The following ARHGEF4 variants were observed in gnomAD, a reference collection of about 807,000 sequenced individuals.
ARHGEF4 encodes APC-stimulated guanine nucleotide exchange factor 1.
In ARHGEF4, 119 loss-of-function variants were observed where a neutral mutation model predicts 162.0. That is an observed-to-expected ratio of 0.73 (90% CI 0.63 to 0.86). The LOEUF is 0.86. Among genes scored for constraint, ARHGEF4 ranks in the 40% least tolerant of loss-of-function variants. ARHGEF4 has a pLI of 0.00. For missense variants in ARHGEF4, 2,488 were observed against 2,456.0 expected (o/e 1.01, Z -0.28); for synonymous variants, 1,014 against 979.9 (o/e 1.03, Z -0.65).
At chr2:130,921,239 C>T (rs768187668) in intron 2 of ARHGEF4, among the ~76,000 whole-genome samples, 1 of 152,188 alleles carries the variant, frequency 6.6e-6, no homozygotes, top group East Asian at 1.9e-4. Flanking sequence ...CGGTGGCTCA[C>T]GCCTGTAATC....
At chr2:130,894,033 G>A (rs970246246) in intron 1 of ARHGEF4, among the ~76,000 whole-genome samples, 2 of 152,248 alleles carry the variant, frequency 1.3e-5, no homozygotes, top group Admixed American at 1.3e-4. Flanking sequence ...CGCCCTGATG[G>A]GGTCGAGGCA....
intron 4 of ARHGEF4, among the ~76,000 whole-genome samples, chr2:130,992,238 A>G (rs1300441215): frequency 6.6e-6 from 1 of 152,196 alleles, no homozygotes; most frequent in East Asian, 1.9e-4. Context: ...GGGTGGGGCC[A>G]GATAAGAGAA....
rs1476538388 is a variant in ARHGEF4 at position 131,042,127 on chromosome 2, AC to A, written c.5025+185del. Among the ~76,000 whole-genome samples the A allele has an allele frequency of 1.1e-4, 17 of 152,312 alleles. No individual in the cohort carries two copies. In the East Asian group the frequency reaches 2.9e-3, roughly 26 times the overall value. ...GGGCTCTGGACCTTTGCTGCTGCCT[AC>A]CGTAGCAGGCTTTGGCACCTGGTGG... is the stretch of plus-strand genomic sequence containing the variant. On this transcript the variant is annotated intron_variant, in intron 10 of 13. Coordinates refer to ENST00000409359, the MANE Select transcript of ARHGEF4 (RefSeq NM_001367493.1).
At chr2:130,885,287 A>G (rs1169912297) in intron 1 of ARHGEF4, among the ~76,000 whole-genome samples, 2 of 152,140 alleles carry the variant, frequency 1.3e-5, no homozygotes, top group African/African-American at 4.8e-5. Context: ...ACAGGATTGC[A>G]TAACCTATGG....
chr2:131,006,540 G>A (rs539225899), intron 4 of ARHGEF4, among the ~76,000 whole-genome samples: 3 of 152,208 alleles, frequency 2.0e-5, no homozygotes, highest in African/African-American at 7.2e-5. Context: ...TCCAGGAGCC[G>A]TTTGTCTACT....
intron 4 of ARHGEF4, among the ~76,000 whole-genome samples, chr2:131,021,109 GC>G: frequency 6.6e-6 from 1 of 152,174 alleles, no homozygotes; most frequent in African/African-American, 2.4e-5. Flanking sequence ...TAAGTAGGTT[GC>G]AAAAATGTTC....
intron 4 of ARHGEF4, among the ~76,000 whole-genome samples, chr2:130,992,273 A>G (rs113411071): frequency 0.021 from 3,231 of 152,208 alleles, 111 homozygotes; most frequent in African/African-American, 0.073. Context: ...CTGCGCTAGC[A>G]CTGGCAACCT....
rs144292646 is a variant in ARHGEF4 at position 130,852,120 on chromosome 2, A to C, written c.39+15128A>C. Among the ~76,000 whole-genome samples, 698 of 152,360 alleles carry C rather than the reference A, an allele frequency of 4.6e-3. 8 individuals carry two copies. The highest frequency in any genetic ancestry group is 0.016 in the African/African-American group (658 of 41,590). ...CTTTTATTCTTTCAAGAGTTGGCTGAGCGCCTGCTCCACGGCACACCCTGC... is the reference window on the plus strand; with the variant it reads ...CTTTTATTCTTTCAAGAGTTGGCTGCGCGCCTGCTCCACGGCACACCCTGC... On this transcript the variant is annotated intron_variant, in intron 1 of 13. Coordinates refer to ENST00000409359, the MANE Select transcript of ARHGEF4 (RefSeq NM_001367493.1).
intron 10 of ARHGEF4, 136 bp downstream of exon 10, chr2:131,042,080 T>C (rs1690859675): frequency 7.8e-7 from 1 of 1,289,424 alleles, no homozygotes; most frequent in Non-Finnish European, 1.0e-6. Context: ...ATGCTCATGG[T>C]GTGAAAGCCT....
intron 4 of ARHGEF4, among the ~76,000 whole-genome samples, chr2:130,985,854 G>T (rs1371996562): frequency 6.6e-6 from 1 of 151,682 alleles, no homozygotes; most frequent in African/African-American, 2.4e-5. Context: ...GGTGTGTTTT[G>T]TATATGTTGT....
chr2:131,044,292 C>G lies in ARHGEF4; in HGVS notation c.5158-7C>G, dbSNP rs1691059159. Reference sequence around the variant, plus strand: ...CAGCAGCCAGGGCTGAGGCCAGCATCTGGCAGGACCTGCTCCGCCGCGACG... The same window carrying G: ...CAGCAGCCAGGGCTGAGGCCAGCATGTGGCAGGACCTGCTCCGCCGCGACG... On this transcript the variant is annotated splice_polypyrimidine_tract_variant and splice_region_variant and intron_variant, in intron 11 of 13. Transcript: ENST00000409359. 3 of 1,610,402 alleles carry G rather than the reference C, an allele frequency of 1.9e-6. No individual in the cohort carries two copies. The highest frequency in any genetic ancestry group is 2.5e-6 in the Non-Finnish European group (3 of 1,179,048).
chr2:130,838,267 C>A (rs931566875), intron 1 of ARHGEF4, among the ~76,000 whole-genome samples: 3 of 152,168 alleles, frequency 2.0e-5, no homozygotes, highest in Non-Finnish European at 1.5e-5. Context: ...TGTTTCCATG[C>A]CCTCCACACC....
rs761451774 is a variant in ARHGEF4, at chr2:130,916,237, G to C, written c.2291G>C (p.Gly764Ala). 4 of 1,532,086 alleles carry C rather than the reference G, an allele frequency of 2.6e-6. No individual in the cohort carries two copies. In the South Asian group the frequency reaches 4.9e-5, roughly 19 times the overall value. 94.9% of individuals were successfully genotyped at this position (1,532,086 alleles called of 1,614,324 possible). The change falls in exon 2 of 14, where the codon GGC becomes GCC. Residue 764 changes from glycine to alanine, a missense_variant. By Grantham distance (60) the Gly-to-Ala change is moderately conservative. Transcript: ENST00000409359. ...GAAGGCGGTGCTGCAGCAGCCCGGG[G>C]CCAGCGCCCCCGCGTCCCCGCCTTG... ...APEGGAAAAR[G>A]QRPRVPALEP... is the part of the protein sequence containing the mutation.
intron 2 of ARHGEF4, among the ~76,000 whole-genome samples, chr2:130,926,789 C>T (rs191264645): frequency 1.6e-3 from 199 of 125,012 alleles, no homozygotes; most frequent in Non-Finnish European, 2.8e-3. Context: ...GGAAAATAAA[C>T]CTGAGAGGGA....
chr2:130,926,048 C>CTTTCTTTCTCTTTCTTTCTTTCTTTCTT lies in ARHGEF4; in HGVS notation c.3553-4903_3553-4902insTTCTTTCTCTTTCTTTCTTTCTTTCTTT. Among the ~76,000 whole-genome samples the CTTTCTTTCTCTTTCTTTCTTTCTTTCTT allele has an allele frequency of 7.6e-3, 403 of 53,302 alleles. 4 individuals carry two copies. Among genetic ancestry groups the CTTTCTTTCTCTTTCTTTCTTTCTTTCTT allele is most frequent in the African/African-American group, 0.016 (264 of 16,198 alleles). 35.0% of individuals were successfully genotyped at this position (53,302 alleles called of 152,430 possible). On this transcript the variant is annotated intron_variant, in intron 2 of 13. Coordinates refer to ENST00000409359, the MANE Select transcript of ARHGEF4 (RefSeq NM_001367493.1). Reference sequence around the variant, plus strand: ...TCTTTCTTTCTTTCTTTCTTTCTTTCTCTTTCTTTCTTTCTTTCTTTCTTT... The same window carrying CTTTCTTTCTCTTTCTTTCTTTCTTTCTT: ...TCTTTCTTTCTTTCTTTCTTTCTTTCTTTCTTTCTCTTTCTTTCTTTCTTTCTTTCTTTCTTTCTTTCTTTCTTTCTTT...
At chr2:130,897,295 A>G (rs1680217702) in intron 1 of ARHGEF4, among the ~76,000 whole-genome samples, 1 of 152,178 alleles carries the variant, frequency 6.6e-6, no homozygotes, top group African/African-American at 2.4e-5. Flanking sequence ...CAGCTCTGGA[A>G]ATGTTAGCGC....
intron 4 of ARHGEF4, among the ~76,000 whole-genome samples, chr2:131,013,749 T>C (rs1462121146): frequency 6.6e-6 from 1 of 152,140 alleles, no homozygotes; most frequent in Non-Finnish European, 1.5e-5. Context: ...TACAGGCGCA[T>C]GCCGCCACAC....
chr2:130,865,123 A>G (rs1177872267), intron 1 of ARHGEF4, among the ~76,000 whole-genome samples: 1 of 152,238 alleles, frequency 6.6e-6, no homozygotes, highest in Non-Finnish European at 1.5e-5. Context: ...CCACAGTTCA[A>G]AATTTTAAAG....
chr2:130,839,232 G>A (rs1574073012), intron 1 of ARHGEF4, among the ~76,000 whole-genome samples: 1 of 152,152 alleles, frequency 6.6e-6, no homozygotes, highest in South Asian at 2.1e-4. Flanking sequence ...ACCCCGTGAG[G>A]ACACAGGTTG....
Sources: gnomAD v4.1 joint callset for allele counts (sites outside exome capture counted in the v4.1 genomes callset) on GRCh38, gnomAD v4.1.1 for gene constraint, MANE v1.5 for transcripts, NCBI Gene and HGNC (gene_info 2026-07-23, HGNC 2026-07-21) for gene names.